ATP9B: variants seen among roughly 807,000 people sequenced by gnomAD.
ATP9B encodes probable phospholipid-transporting ATPase IIB.
In ATP9B, 110 loss-of-function variants were observed where a neutral mutation model predicts 146.1. The observed-to-expected ratio is 0.75, with a 90% CI of 0.65 to 0.88. The LOEUF (loss-of-function observed/expected upper bound fraction) is 0.88, where lower values mean the gene tolerates loss of function less well. Ranked by LOEUF, ATP9B falls within the 40% of genes least tolerant of loss-of-function variation. ATP9B has a pLI of 0.00. For synonymous variants in ATP9B, 604 were observed against 569.7 expected (o/e 1.06, Z -0.86); for missense variants, 1,499 against 1,496.4 (o/e 1.00, Z -0.03).
At chr18:79,208,750 TGTGTATATATATATAA>T (rs2095557594) in intron 10 of ATP9B, among the ~76,000 whole-genome samples, 1 of 151,910 alleles carries the variant, frequency 6.6e-6, no homozygotes, top group East Asian at 1.9e-4. Flanking sequence ...TATGTGTGTG[TGTGTATATATATATAA>T]ACATACGTAT....
Position 79,183,855 on chromosome 18 carries a change from A to T in ATP9B, c.873+6948A>T, listed in dbSNP as rs1362433623. On this transcript the variant is annotated intron_variant, in intron 8 of 29. Transcript: ENST00000426216. ...CCATTCACTGAAGAACTTTTTTGTTAGATTTTTATTTTTGCACAAATTTAA... is the reference window on the plus strand; with the variant it reads ...CCATTCACTGAAGAACTTTTTTGTTTGATTTTTATTTTTGCACAAATTTAA... Among the ~76,000 whole-genome samples the T allele has an allele frequency of 2.0e-5, 3 of 150,038 alleles. No homozygotes were observed. The South Asian group carries it at 6.3e-4, about 31-fold the overall frequency.
intron 7 of ATP9B, among the ~76,000 whole-genome samples, chr18:79,176,310 T>C (rs942276529): frequency 1.3e-5 from 2 of 152,246 alleles, no homozygotes; most frequent in Admixed American, 6.5e-5. Flanking sequence ...TATCTTAGCA[T>C]GTTTGAAACT....
chr18:79,124,200 G>A (rs1446626304), intron 4 of ATP9B, among the ~76,000 whole-genome samples: 1 of 152,166 alleles, frequency 6.6e-6, no homozygotes, highest in Non-Finnish European at 1.5e-5. Flanking sequence ...GCCTAGGAGT[G>A]GGAGGGAATG....
chr18:79,311,538 T>G (rs112628022), intron 15 of ATP9B, among the ~76,000 whole-genome samples: 6 of 152,242 alleles, frequency 3.9e-5, no homozygotes, highest in Non-Finnish European at 8.8e-5. Flanking sequence ...CTTGCTTATT[T>G]AAAACTTTAG....
At chr18:79,083,003 A>G (rs2073425406) in intron 1 of ATP9B, among the ~76,000 whole-genome samples, 1 of 152,192 alleles carries the variant, frequency 6.6e-6, no homozygotes, top group Admixed American at 6.5e-5. Flanking sequence ...GGCTGTGCCC[A>G]CAACCTACCC....
intron 11 of ATP9B, among the ~76,000 whole-genome samples, chr18:79,227,706 C>T (rs1361247517): frequency 6.6e-6 from 1 of 152,216 alleles, no homozygotes; most frequent in Non-Finnish European, 1.5e-5. Context: ...CTCCCCCCGA[C>T]TGTTCTCCTT....
At chr18:79,169,012 T>G (rs1231183093) in intron 7 of ATP9B, among the ~76,000 whole-genome samples, 1 of 152,126 alleles carries the variant, frequency 6.6e-6, no homozygotes, top group South Asian at 2.1e-4. Context: ...AAGAGCATCA[T>G]GCTTGCAGAG....
chr18:79,238,662 G>GC (rs2095863663), intron 11 of ATP9B, among the ~76,000 whole-genome samples: 1 of 152,154 alleles, frequency 6.6e-6, no homozygotes, highest in South Asian at 2.1e-4. Flanking sequence ...AGCCTGTGGC[G>GC]CCCCGGCCTG....
chr18:79,113,189 T>G, intron 3 of ATP9B, 52 bp from the exon 4 acceptor site: 1 of 940,792 alleles, frequency 1.1e-6, no homozygotes, highest in Non-Finnish European at 1.7e-6. Flanking sequence ...AATTTAGGTA[T>G]TAAAATTTTT....
chr18:79,302,494 A>C (rs1041000522), intron 13 of ATP9B, among the ~76,000 whole-genome samples: 5 of 152,256 alleles, frequency 3.3e-5, no homozygotes, highest in Non-Finnish European at 7.3e-5. Flanking sequence ...ACATCGCAGC[A>C]CGCTACATAC....
intron 5 of ATP9B, among the ~76,000 whole-genome samples, chr18:79,126,642 T>C (rs940467295): frequency 5.3e-5 from 8 of 152,332 alleles, no homozygotes; most frequent in African/African-American, 1.7e-4. Context: ...GTATTACTAA[T>C]AATCATGTAA....
chr18:79,245,762 C>CACCCTACT, intron 11 of ATP9B, among the ~76,000 whole-genome samples: 4 of 148,300 alleles, frequency 2.7e-5, no homozygotes, highest in Non-Finnish European at 6.0e-5. Context: ...AGGAGGGCAC[C>CACCCTACT]GCCCTACTGA....
chr18:79,078,966 C>G (rs2072944343), intron 1 of ATP9B, among the ~76,000 whole-genome samples: 1 of 152,184 alleles, frequency 6.6e-6, no homozygotes, highest in Non-Finnish European at 1.5e-5. Context: ...CCAGCTTCGT[C>G]CATGTCCACG....
rs78831363 is a variant in ATP9B at position 79,228,924 on chromosome 18, A to G, written c.1107+14886A>G. On this transcript the variant is annotated intron_variant, in intron 11 of 29. Transcript: ENST00000426216. ...ACCTGTGGTACAAACTACCTGGGAGACTCAGGTGGGAGGATCATTTGATCT... is the reference window on the plus strand; with the variant it reads ...ACCTGTGGTACAAACTACCTGGGAGGCTCAGGTGGGAGGATCATTTGATCT... 7.5e-3 allele frequency among the ~76,000 whole-genome samples: 1,142 copies of G among 152,064 alleles called. 13 individuals are homozygous for G. The highest frequency in any genetic ancestry group is 0.018 in the African/African-American group (733 of 41,476).
At chr18:79,092,640 C>CTTTTTTTT (rs145337759) in intron 1 of ATP9B, among the ~76,000 whole-genome samples, 1 of 118,278 alleles carries the variant, frequency 8.5e-6, no homozygotes, top group Non-Finnish European at 1.8e-5. Context: ...TTTACTTAAA[C>CTTTTTTTT]TTTTTTTTTT....
intron 25 of ATP9B, among the ~76,000 whole-genome samples, chr18:79,358,312 G>A (rs367723387): frequency 9.0e-4 from 2 of 2,226 alleles, no homozygotes; most frequent in Non-Finnish European, 1.6e-3. Flanking sequence ...TGTGTGAGGG[G>A]TGCCCTGGGT....
At chr18:79,344,388 CTG>C (rs774405400) in intron 21 of ATP9B, 34 bp downstream of exon 21, 2 of 1,598,266 alleles carry the variant, frequency 1.3e-6, no homozygotes, top group Admixed American at 1.7e-5. Context: ...ACATGTCTGT[CTG>C]TGTCTCTGAG....
intron 7 of ATP9B, among the ~76,000 whole-genome samples, chr18:79,163,869 T>TACACACAC (rs56408063): frequency 0.14 from 20,397 of 142,606 alleles, 1,620 homozygotes; most frequent in East Asian, 0.26. Flanking sequence ...TTTTATTTTA[T>TACACACAC]ACACACACAC....
chr18:79,344,378 A>G (rs1024256082), intron 21 of ATP9B, 24 bp downstream of exon 21: 2 of 1,601,684 alleles, frequency 1.2e-6, no homozygotes, highest in African/African-American at 1.4e-5. Context: ...CTGAGTGAGT[A>G]CATGTCTGTC....
Sources: gnomAD v4.1 joint callset for allele counts (sites outside exome capture counted in the v4.1 genomes callset) on GRCh38, gnomAD v4.1.1 for gene constraint, MANE v1.5 for transcripts, NCBI Gene and HGNC (gene_info 2026-07-23, HGNC 2026-07-21) for gene names.